KCNMB2: variants seen among roughly 807,000 people sequenced by gnomAD.
KCNMB2 encodes the protein potassium calcium-activated channel subfamily M regulatory beta subunit 2, also known as calcium-activated potassium channel subunit beta-2.
A neutral mutation model predicts 24.5 loss-of-function variants in KCNMB2; 9 were observed. The observed-to-expected ratio is 0.37, with a 90% confidence interval of 0.22 to 0.64. KCNMB2 has a LOEUF of 0.64. KCNMB2 is among the 30% of genes least tolerant of loss of function. The probability of loss-of-function intolerance (pLI) is 0.63; values close to 1 mark genes in which losing one functional copy is unlikely to be tolerated. For missense variants in KCNMB2, 226 were observed against 284.3 expected (o/e 0.79, Z 1.47); for synonymous variants, 109 against 104.4 (o/e 1.04, Z -0.27).
chr3:178,833,247 G>A (rs927379680), intron 4 of KCNMB2, among the ~76,000 whole-genome samples: 1 of 152,116 alleles, frequency 6.6e-6, no homozygotes, highest in Non-Finnish European at 1.5e-5. Flanking sequence ...ACCCCAGCTT[G>A]ATAGGCCCAC....
chr3:178,675,395 G>A (rs1721037509), intron 1 of KCNMB2, among the ~76,000 whole-genome samples: 1 of 152,120 alleles, frequency 6.6e-6, no homozygotes, highest in Admixed American at 6.6e-5. Flanking sequence ...GGCATTTCAA[G>A]AGAGTGAGGT....
At chr3:178,604,265 C>A (rs1398025118) in intron 1 of KCNMB2, among the ~76,000 whole-genome samples, 1 of 152,058 alleles carries the variant, frequency 6.6e-6, no homozygotes, top group Non-Finnish European at 1.5e-5. Context: ...TATATGAAGT[C>A]CTGATGGACA....
chr3:178,767,366 A>G (rs1048894495), intron 1 of KCNMB2, among the ~76,000 whole-genome samples: 51 of 152,330 alleles, frequency 3.3e-4, no homozygotes, highest in Middle Eastern at 3.4e-3. Flanking sequence ...TATAAATAGA[A>G]CATGAACTGG....
At chr3:178,727,376 G>A (rs1472956523) in intron 1 of KCNMB2, among the ~76,000 whole-genome samples, 3 of 152,054 alleles carry the variant, frequency 2.0e-5, no homozygotes, top group Non-Finnish European at 4.4e-5. Context: ...ACCGTGGTAG[G>A]CAGAGTAGTA....
intron 1 of KCNMB2, among the ~76,000 whole-genome samples, chr3:178,722,960 T>G (rs1373643227): frequency 1.3e-5 from 2 of 152,180 alleles, no homozygotes; most frequent in Non-Finnish European, 2.9e-5. Context: ...AGGGGACACA[T>G]TCAAACCATA....
chr3:178,812,480 A>G (rs1442305417), intron 2 of KCNMB2, among the ~76,000 whole-genome samples: 1 of 146,932 alleles, frequency 6.8e-6, no homozygotes, highest in Non-Finnish European at 1.5e-5. Flanking sequence ...GAGTGAGAAC[A>G]TGCGGTGTTT....
chr3:178,813,763 A>T (rs2108457596), intron 2 of KCNMB2, among the ~76,000 whole-genome samples: 1 of 152,198 alleles, frequency 6.6e-6, no homozygotes, highest in East Asian at 1.9e-4. Flanking sequence ...ATTCAGCCAA[A>T]CTAATTAAGT....
At chr3:178,548,819 T>C (rs973563462) in intron 1 of KCNMB2, among the ~76,000 whole-genome samples, 1 of 152,250 alleles carries the variant, frequency 6.6e-6, no homozygotes, top group African/African-American at 2.4e-5. Context: ...CTTTTTTACT[T>C]CTACTTACAA....
In KCNMB2 at chr3:178,632,622, G is replaced by A. The variant is rs148176747; in HGVS notation, c.-68+95911G>A. On this transcript the variant is annotated intron_variant, in intron 1 of 4. Transcript: ENST00000452583. The stretch of plus-strand genomic sequence containing the variant: ...CCACTGAGTCCCTCCCATGACACAT[G>A]GGGATTACGGGAACTACAATTCAAG... 5.2e-4 allele frequency among the ~76,000 whole-genome samples: 79 copies of A among 152,246 alleles called. 1 individual carries two copies. In the East Asian group the frequency reaches 0.013, roughly 25 times the overall value.
chr3:178,606,411 T>A (rs1285852795), intron 1 of KCNMB2, among the ~76,000 whole-genome samples: 2 of 151,852 alleles, frequency 1.3e-5, no homozygotes, highest in Non-Finnish European at 1.5e-5. Context: ...TAAGACCTCA[T>A]GAAGTTTCCC....
chr3:178,638,035 T>C (rs889937831), intron 1 of KCNMB2, among the ~76,000 whole-genome samples: 2 of 152,118 alleles, frequency 1.3e-5, no homozygotes, highest in Admixed American at 1.3e-4. Flanking sequence ...TCCTGCTGAT[T>C]CAACTGCCAC....
chr3:178,596,665 C>T (rs545309457), intron 1 of KCNMB2, among the ~76,000 whole-genome samples: 112 of 152,084 alleles, frequency 7.4e-4, no homozygotes, highest in Non-Finnish European at 1.3e-3. Context: ...ATGGTCCTCT[C>T]CCATCTTCTA....
At chr3:178,701,598 G>T (rs1722098401) in intron 1 of KCNMB2, among the ~76,000 whole-genome samples, 2 of 152,098 alleles carry the variant, frequency 1.3e-5, no homozygotes, top group African/African-American at 2.4e-5. Context: ...CCATCAAAAA[G>T]TGGGTGAAGG....
intron 4 of KCNMB2, among the ~76,000 whole-genome samples, chr3:178,836,284 A>G (rs1362956845): frequency 6.6e-6 from 1 of 152,156 alleles, no homozygotes; most frequent in South Asian, 2.1e-4. Flanking sequence ...TGACAATAAA[A>G]ATAACTGTTC....
At chr3:178,771,473 C>CTTTTTT (rs66694279) in intron 1 of KCNMB2, among the ~76,000 whole-genome samples, 32 of 87,534 alleles carry the variant, frequency 3.7e-4, no homozygotes, top group African/African-American at 5.4e-4. Flanking sequence ...TTCTTTCTTT[C>CTTTTTT]TTTTTTTTTT....
At chr3:178,638,632 A>C (rs1382043) in intron 1 of KCNMB2, among the ~76,000 whole-genome samples, 104,464 of 152,110 alleles carry the variant, frequency 0.69, 36,400 homozygotes, top group African/African-American at 0.82. Context: ...GTAAGCTTAA[A>C]TAACTAATGT....
At chr3:178,747,312 A>G (rs1399133624) in intron 1 of KCNMB2, among the ~76,000 whole-genome samples, 2 of 152,192 alleles carry the variant, frequency 1.3e-5, no homozygotes, top group African/African-American at 4.8e-5. Flanking sequence ...TGAGAACAGC[A>G]TGGGAAAGAC....
intron 1 of KCNMB2, among the ~76,000 whole-genome samples, chr3:178,761,517 T>C (rs1711875490): frequency 6.6e-6 from 1 of 152,242 alleles, no homozygotes; most frequent in African/African-American, 2.4e-5. Flanking sequence ...GATTTTCATG[T>C]GGGAAGAACT....
intron 1 of KCNMB2, among the ~76,000 whole-genome samples, chr3:178,762,727 G>A (rs1711957653): frequency 6.6e-6 from 1 of 151,610 alleles, no homozygotes. Flanking sequence ...GGAAGTAGAA[G>A]CAACAGAGCA....
Sources: gnomAD v4.1 joint callset for allele counts (sites outside exome capture counted in the v4.1 genomes callset) on GRCh38, gnomAD v4.1.1 for gene constraint, MANE v1.5 for transcripts, NCBI Gene and HGNC (gene_info 2026-07-23, HGNC 2026-07-21) for gene names.